The following GPC5 variants were observed in gnomAD, a reference collection of about 807,000 sequenced individuals.
GPC5 encodes glypican-5.
In GPC5, 47 loss-of-function variants were observed where a neutral mutation model predicts 53.9. The observed-to-expected ratio is 0.87, with a 90% CI of 0.69 to 1.11. The LOEUF is 1.11. GPC5 is among the 50% of genes most tolerant of loss of function. The pLI is 0.00. For synonymous variants in GPC5, 286 were observed against 263.3 expected (o/e 1.09, Z -0.84); for missense variants, 748 against 713.1 (o/e 1.05, Z -0.56).
chr13:92,386,727 A>G (rs1297235269), intron 7 of GPC5, among the ~76,000 whole-genome samples: 2 of 152,054 alleles, frequency 1.3e-5, no homozygotes, highest in African/African-American at 4.8e-5. Flanking sequence ...ATAACAGGAT[A>G]TTGATTTTGC....
chr13:92,333,342 C>T (rs1357788625), intron 7 of GPC5, among the ~76,000 whole-genome samples: 1 of 152,150 alleles, frequency 6.6e-6, no homozygotes, highest in African/African-American at 2.4e-5. Flanking sequence ...AGAAGAAACT[C>T]TTTAACCAGA....
intron 2 of GPC5, among the ~76,000 whole-genome samples, chr13:91,582,396 G>T (rs1201839062): frequency 2.0e-5 from 3 of 152,058 alleles, no homozygotes; most frequent in Admixed American, 2.0e-4. Flanking sequence ...ATATAAAACA[G>T]CTGGTAGTCA....
chr13:92,236,946 T>C (rs1487607960), intron 7 of GPC5, among the ~76,000 whole-genome samples: 1 of 152,124 alleles, frequency 6.6e-6, no homozygotes, highest in East Asian at 1.9e-4. Context: ...TTATGCATAA[T>C]GTTATATAAT....
chr13:91,549,931 T>C (rs2030527832), intron 2 of GPC5, among the ~76,000 whole-genome samples: 1 of 152,188 alleles, frequency 6.6e-6, no homozygotes, highest in African/African-American at 2.4e-5. Flanking sequence ...TGAAAACTTA[T>C]GTATGTACAA....
At chr13:92,788,373 T>C (rs1467874999) in intron 7 of GPC5, among the ~76,000 whole-genome samples, 2 of 152,122 alleles carry the variant, frequency 1.3e-5, no homozygotes, top group African/African-American at 2.4e-5. Flanking sequence ...TATTGAATCT[T>C]AACAAAAATT....
intron 4 of GPC5, among the ~76,000 whole-genome samples, chr13:91,743,431 A>C (rs1234141128): frequency 6.6e-6 from 1 of 152,172 alleles, no homozygotes; most frequent in Non-Finnish European, 1.5e-5. Flanking sequence ...TGGGTCCTTC[A>C]TCTATAGCAT....
At chr13:92,054,149 GGTGTGTGTGT>G (rs141324926) in intron 6 of GPC5, among the ~76,000 whole-genome samples, 2,437 of 146,012 alleles carry the variant, frequency 0.017, 60 homozygotes, top group African/African-American at 0.055. Context: ...ACTTTGGAGG[GGTGTGTGTGT>G]GTGTGTGTGT....
chr13:91,423,210 A>G (rs903497229), intron 1 of GPC5, among the ~76,000 whole-genome samples: 21 of 152,230 alleles, frequency 1.4e-4, no homozygotes, highest in African/African-American at 4.8e-4. Flanking sequence ...ATCAGACTTG[A>G]AATGGTATAG....
At chr13:92,632,485 T>TACACATATATAC (rs1885278533) in intron 7 of GPC5, among the ~76,000 whole-genome samples, 1 of 137,652 alleles carries the variant, frequency 7.3e-6, no homozygotes, top group Non-Finnish European at 1.5e-5. Context: ...TATATATATA[T>TACACATATATAC]ACACATATAT....
At chr13:92,498,287 C>T (rs778057531) in intron 7 of GPC5, among the ~76,000 whole-genome samples, 7 of 152,074 alleles carry the variant, frequency 4.6e-5, no homozygotes, top group Admixed American at 6.6e-5. Context: ...TGTCTGCATG[C>T]ACAATGGGCT....
chr13:91,686,280 A>G (rs530630958), intron 2 of GPC5, among the ~76,000 whole-genome samples: 14 of 152,014 alleles, frequency 9.2e-5, no homozygotes, highest in Non-Finnish European at 1.9e-4. Flanking sequence ...GCCCAAATTA[A>G]TGAGGAGGGA....
chr13:91,960,212 A>T (rs1460983930), intron 6 of GPC5, among the ~76,000 whole-genome samples: 1 of 151,974 alleles, frequency 6.6e-6, no homozygotes, highest in Non-Finnish European at 1.5e-5. Flanking sequence ...TTTACAGCTG[A>T]TAAATGAATT....
At chr13:91,440,164 T>G (rs1880314666) in intron 1 of GPC5, among the ~76,000 whole-genome samples, 1 of 152,236 alleles carries the variant, frequency 6.6e-6, no homozygotes, top group African/African-American at 2.4e-5. Context: ...AATTTTTTCA[T>G]GGACTATTTT....
At chr13:91,483,831 T>G (rs768526564) in intron 2 of GPC5, among the ~76,000 whole-genome samples, 1 of 152,164 alleles carries the variant, frequency 6.6e-6, no homozygotes, top group Non-Finnish European at 1.5e-5. Flanking sequence ...AACATTACAG[T>G]GAAACAATTG....
At chr13:92,187,987 A>G (rs1455133045) in intron 7 of GPC5, among the ~76,000 whole-genome samples, 1 of 152,168 alleles carries the variant, frequency 6.6e-6, no homozygotes, top group Non-Finnish European at 1.5e-5. Flanking sequence ...AAATCCCACT[A>G]GGGTAACTAA....
intron 2 of GPC5, among the ~76,000 whole-genome samples, chr13:91,514,601 A>C (rs1464756151): frequency 6.6e-6 from 1 of 152,228 alleles, no homozygotes; most frequent in African/African-American, 2.4e-5. Context: ...ATTATAAAAA[A>C]AATCCATCTA....
chr13:92,080,226 CA>C (rs1174136393), intron 6 of GPC5, among the ~76,000 whole-genome samples: 1 of 152,112 alleles, frequency 6.6e-6, no homozygotes, highest in East Asian at 1.9e-4. Context: ...TCGTTCTCCA[CA>C]GGTCTGCTCT....
chr13:92,435,489 T>C (rs1212338382), intron 7 of GPC5, among the ~76,000 whole-genome samples: 1 of 152,154 alleles, frequency 6.6e-6, no homozygotes, highest in Non-Finnish European at 1.5e-5. Flanking sequence ...TCATTCTATT[T>C]TGGGCAAGAA....
In GPC5 at chr13:91,482,672, G is replaced by T. The variant is rs187847896; in HGVS notation, c.325+33750G>T. On this transcript the variant is annotated intron_variant, in intron 2 of 7. Transcript: ENST00000377067. The stretch of plus-strand genomic sequence containing the variant: ...ATTTGACCACAGGAATGTCATCGCC[G>T]TGGGAGGCTTCTTGTTTCCCAGGGA... Among the ~76,000 whole-genome samples the T allele has an allele frequency of 8.5e-5, 13 of 152,272 alleles. No homozygotes were observed. In the East Asian group the frequency reaches 2.1e-3, roughly 25 times the overall value.
Sources: allele counts gnomAD v4.1 joint callset (sites outside exome capture counted in the v4.1 genomes callset), GRCh38; gene constraint gnomAD v4.1.1; transcripts MANE v1.5; gene names NCBI Gene and HGNC (gene_info 2026-07-23, HGNC 2026-07-21).